FAAH2: variants seen among roughly 807,000 people sequenced by gnomAD.
FAAH2 encodes the protein fatty-acid amide hydrolase 2.
A neutral mutation model predicts 36.9 loss-of-function variants in FAAH2; 60 were observed. That is an observed-to-expected ratio of 1.63 (90% CI 1.32 to 2.02). The LOEUF (loss-of-function observed/expected upper bound fraction) is 2.02, where lower values mean the gene tolerates loss of function less well. FAAH2 is among the 30% of genes most tolerant of loss of function. The probability of loss-of-function intolerance (pLI) is 0.00; values close to 1 mark genes in which losing one functional copy is unlikely to be tolerated. For synonymous variants in FAAH2, 214 were observed against 143.8 expected, an observed-to-expected ratio of 1.49 and a Z score of -3.49; for missense variants, 689 against 397.5, an observed-to-expected ratio of 1.73 and a Z score of -6.23.
At chrX:57,440,158 G>A (rs2056517257) in intron 8 of FAAH2, among the ~76,000 whole-genome samples, 1 of 111,140 alleles carries the variant, frequency 9.0e-6, no homozygotes. Flanking sequence ...GTAGCTTAAT[G>A]GGGATGGCAT....
chrX:57,383,093 A>G (rs2054902117), intron 7 of FAAH2, among the ~76,000 whole-genome samples: 1 of 111,889 alleles, frequency 8.9e-6, no homozygotes, highest in Non-Finnish European at 1.9e-5. Context: ...TTATCTCAAT[A>G]GATGCAGAAA....
intron 7 of FAAH2, among the ~76,000 whole-genome samples, chrX:57,384,677 A>G (rs1259881268): frequency 9.0e-6 from 1 of 111,033 alleles, no homozygotes; most frequent in East Asian, 2.9e-4. Context: ...AGGAAACAAC[A>G]GGTGCTGGAG....
intron 2 of FAAH2, among the ~76,000 whole-genome samples, chrX:57,296,130 A>G (rs749328745): frequency 2.5e-4 from 28 of 112,334 alleles, no homozygotes; most frequent in Non-Finnish European, 5.1e-4. Context: ...GCAGCTTGAG[A>G]TCTGAGAACA....
intron 6 of FAAH2, 26 bp from the exon 7 acceptor site, chrX:57,380,886 G>C (rs1402686597): frequency 8.4e-6 from 8 of 949,781 alleles, no homozygotes; most frequent in Non-Finnish European, 1.2e-5. Flanking sequence ...ATTTGTTGAT[G>C]TCAGTTTCTT....
At chrX:57,436,929 C>A (rs781029069) in intron 8 of FAAH2, among the ~76,000 whole-genome samples, 1 of 110,813 alleles carries the variant, frequency 9.0e-6, no homozygotes. Context: ...ACACAACAAC[C>A]ACAGAAAAAC....
At chrX:57,289,820 G>C (rs1359970213) in intron 1 of FAAH2, among the ~76,000 whole-genome samples, 1 of 110,590 alleles carries the variant, frequency 9.0e-6, no homozygotes, top group East Asian at 2.8e-4. Flanking sequence ...TGTGAAGAAG[G>C]GAGAGAGAGC....
chrX:57,444,801 C>T (rs1192962727), intron 8 of FAAH2, among the ~76,000 whole-genome samples: 1 of 111,898 alleles, frequency 8.9e-6, no homozygotes, highest in African/African-American at 3.3e-5. Flanking sequence ...GATTCTCATG[C>T]ATTTTCAGTT....
the FAAH2 span, among the ~76,000 whole-genome samples, chrX:57,180,964 A>T: frequency 1.2e-4 from 13 of 111,215 alleles, no homozygotes; most frequent in African/African-American, 4.2e-4. Context: ...CTTTTTCAAG[A>T]TTGCTTCAAC....
At chrX:57,309,531 C>T (rs906683670) in intron 2 of FAAH2, among the ~76,000 whole-genome samples, 5 of 111,145 alleles carry the variant, frequency 4.5e-5, no homozygotes, top group Non-Finnish European at 9.4e-5. Context: ...AAACGTGTAC[C>T]ATGATGGTTT....
At chrX:57,203,226 T>A in the FAAH2 span, among the ~76,000 whole-genome samples, 1 of 112,250 alleles carries the variant, frequency 8.9e-6, no homozygotes, top group African/African-American at 3.2e-5. Context: ...TTACTTAAAG[T>A]ATTCCTTATG....
In FAAH2 at chrX:57,300,052, A is replaced by G. The variant is rs1349155223; in HGVS notation, c.275+7472A>G. Among the ~76,000 whole-genome samples the G allele has an allele frequency of 4.5e-5, 5 of 111,904 alleles. No homozygotes were observed. In the South Asian group the frequency reaches 1.1e-3, roughly 25 times the overall value. ...CTGCCCAAGGTAATTTATAGATTCA[A>G]TGCCATCCCCATTAAGCTACAAATG... On this transcript the variant is annotated intron_variant, in intron 2 of 10. Coordinates refer to ENST00000374900, the MANE Select transcript of FAAH2 (RefSeq NM_174912.4).
chrX:57,124,865 A>T, the FAAH2 span, among the ~76,000 whole-genome samples: 7 of 112,184 alleles, frequency 6.2e-5, no homozygotes, highest in African/African-American at 2.3e-4. Flanking sequence ...GTATCCTGAG[A>T]CTTGGCTGAA....
chrX:57,301,362 AC>A (rs1266276795), intron 2 of FAAH2, among the ~76,000 whole-genome samples: 2 of 107,211 alleles, frequency 1.9e-5, no homozygotes, highest in Non-Finnish European at 3.8e-5. Flanking sequence ...TATCACAAGG[AC>A]AAAAAACCAA....
At chrX:57,353,008 T>A (rs2054065109) in intron 5 of FAAH2, among the ~76,000 whole-genome samples, 2 of 110,819 alleles carry the variant, frequency 1.8e-5, no homozygotes, top group South Asian at 7.4e-4. Context: ...AGAATTAATA[T>A]CATTAAAATG....
At chrX:57,394,218 G>A (rs915417645) in intron 7 of FAAH2, 21 of 671,433 alleles carry the variant, frequency 3.1e-5, no homozygotes, top group South Asian at 2.2e-4. Context: ...GAAGGCTGTC[G>A]CACACACATA....
intron 10 of FAAH2, among the ~76,000 whole-genome samples, chrX:57,480,033 A>T (rs1307554006): frequency 8.9e-6 from 1 of 111,773 alleles, no homozygotes; most frequent in Non-Finnish European, 1.9e-5. Flanking sequence ...AAATTCCTCG[A>T]CACATACACC....
intron 6 of FAAH2, among the ~76,000 whole-genome samples, chrX:57,379,528 C>T: frequency 1.1e-5 from 1 of 87,569 alleles, no homozygotes; most frequent in Admixed American, 1.3e-4. Context: ...CTCTGTCTCT[C>T]TCGCTCTCTC....
Position 57,380,894 on chromosome X carries a change from CT to C in FAAH2, c.879-13del, listed in dbSNP as rs1464747444. The C allele has an allele frequency of 3.9e-6, 4 of 1,024,711 alleles. No homozygotes were observed. The highest frequency in any genetic ancestry group is 5.3e-6 in the Non-Finnish European group (4 of 749,251). The allele number at this position is 1,024,711 out of a possible 1,213,427, so 84.4% of individuals were successfully genotyped here. On this transcript the variant is annotated splice_polypyrimidine_tract_variant and intron_variant, in intron 6 of 10. Transcript: ENST00000374900. The stretch of plus-strand genomic sequence containing the variant: ...CTAAATAATTTGTTGATGTCAGTTT[CT>C]TTTTAATCCTACACAGGTTAAAACT...
chrX:57,411,344 G>T (rs2055695475), intron 7 of FAAH2, among the ~76,000 whole-genome samples: 1 of 111,678 alleles, frequency 9.0e-6, no homozygotes, highest in African/African-American at 3.3e-5. Context: ...ATTCTGACCT[G>T]ATTATGAGAT....
Sources: gnomAD v4.1 joint callset for allele counts (sites outside exome capture counted in the v4.1 genomes callset) on GRCh38, gnomAD v4.1.1 for gene constraint, MANE v1.5 for transcripts, NCBI Gene and HGNC (gene_info 2026-07-23, HGNC 2026-07-21) for gene names.